Variants in DEF6 observed in about 807,000 individuals in gnomAD.
The protein encoded by DEF6 is differentially expressed in FDCP 6 homolog.
DEF6 carries 32 observed loss-of-function variants against 80.5 expected under a neutral mutation model. The ratio of observed to expected loss-of-function variants is 0.40; its 90% CI spans 0.30 to 0.53. The LOEUF is 0.53. DEF6 is among the 20% of genes least tolerant of loss of function. DEF6 has a pLI of 0.57. For synonymous variants in DEF6, 300 were observed against 337.9 expected (o/e 0.89, Z 1.23); for missense variants, 575 against 818.7 (o/e 0.70, Z 3.63).
At chr6:35,303,525 C>T (rs1028107766) in intron 1 of DEF6, among the ~76,000 whole-genome samples, 4 of 152,110 alleles carry the variant, frequency 2.6e-5, no homozygotes, top group Admixed American at 6.5e-5. Context: ...CGTGATACCA[C>T]AGTGAAAAAA....
Position 35,321,319 on chromosome 6 carries a change from A to G in DEF6, c.1805A>G (p.Glu602Gly). 6.2e-7 allele frequency: 1 copy of G among 1,614,094 alleles called. No homozygotes were observed. Among genetic ancestry groups the G allele is most frequent in the African/African-American group, 1.3e-5 (1 of 75,040 alleles). ...AGGACCCCCTCGCCCAACAGCAATG[A>G]GCAGCAGAAGTCCCTCAATGGTGGG... ...GNRTPSPNSN[E>G]QQKSLNGGDE... Residue 602 changes from glutamate to glycine, a missense_variant, in exon 11 of 11, where the codon GAG becomes GGG. Physicochemically the swap from Glu to Gly is moderately conservative, Grantham distance 98. Transcript: ENST00000316637.
At position 35,321,496 on chromosome 6, in the gene DEF6, G is replaced by T; in HGVS notation, c.*86G>T. On this transcript the variant is annotated 3_prime_UTR_variant, in exon 11 of 11. Transcript: ENST00000316637. Reference sequence around the variant, plus strand: ...CTGTGGGTGATCCCAGCTCTTACTAGGAGAGGGAGCTGAGGTCCTGGTGCC... The same window carrying T: ...CTGTGGGTGATCCCAGCTCTTACTATGAGAGGGAGCTGAGGTCCTGGTGCC... 7.6e-7 allele frequency: 1 copy of T among 1,316,718 alleles called. No individual in the cohort carries two copies. The highest frequency in any genetic ancestry group is 1.4e-5 in the South Asian group (1 of 73,254). The allele number at this position is 1,316,718 out of a possible 1,614,324, so 81.6% of individuals were successfully genotyped here.
At chr6:35,302,797 A>G (rs769233659) in intron 1 of DEF6, among the ~76,000 whole-genome samples, 12 of 152,184 alleles carry the variant, frequency 7.9e-5, no homozygotes, top group Non-Finnish European at 1.6e-4. Flanking sequence ...CAGTTTCACC[A>G]GTTCTCTGGG....
At chr6:35,302,738 C>G (rs1791331602) in intron 1 of DEF6, among the ~76,000 whole-genome samples, 1 of 152,174 alleles carries the variant, frequency 6.6e-6, no homozygotes, top group Non-Finnish European at 1.5e-5. Context: ...ACCTGGACCC[C>G]ACCCCTGGAA....
At chr6:35,321,142 C>T (rs1478120424) in intron 10 of DEF6, 45 bp from the exon 11 acceptor site, 1 of 1,601,122 alleles carries the variant, frequency 6.2e-7, no homozygotes, top group Non-Finnish European at 8.5e-7. Context: ...TCGCCTCTCA[C>T]CTTTGCATGC....
chr6:35,298,050 ACC>A, intron 1 of DEF6, 98 bp downstream of exon 1: 3 of 1,096,928 alleles, frequency 2.7e-6, no homozygotes, highest in Non-Finnish European at 4.0e-6. Flanking sequence ...CTCCAGGGGC[ACC>A]CAGCCATCCA....
rs1190995118 is a variant in DEF6, at chr6:35,310,548, G to C, written c.327G>C (p.Gly109=). The C allele has an allele frequency of 4.3e-6, 7 of 1,614,172 alleles. No individual in the cohort carries two copies. Among genetic ancestry groups the C allele is most frequent in the Non-Finnish European group, 5.9e-6 (7 of 1,180,036 alleles). Residue 109 remains glycine, a synonymous_variant, in exon 3 of 11, where the codon GGG becomes GGC. Coordinates refer to ENST00000316637, the MANE Select transcript of DEF6 (RefSeq NM_022047.4). ...AGAACTATCGGGCAGATAGCAACGG[G>C]AACAGTATGCTCTCCAATCAGGATG... ...AKKNYRADSN[G]NSMLSNQDAF...
In DEF6 at chr6:35,308,707, TAAAATAAAATA is replaced by T. The variant is rs1791423818; in HGVS notation, c.97-959_97-949del. On this transcript the variant is annotated intron_variant, in intron 1 of 10. Coordinates refer to ENST00000316637, the MANE Select transcript of DEF6 (RefSeq NM_022047.4). ...TAAAATAAAATAAAATAAAATAAAA[TAAAATAAAATA>T]AAATAAAATAAATAAAATAATAAAA... Among the ~76,000 whole-genome samples the T allele has an allele frequency of 3.5e-5, 5 of 141,500 alleles. No homozygotes were observed. The South Asian group carries it at 1.1e-3, about 32-fold the overall frequency. 92.8% of individuals were successfully genotyped at this position (141,500 alleles called of 152,430 possible).
chr6:35,298,347 A>G (rs1791268504), intron 1 of DEF6, among the ~76,000 whole-genome samples: 1 of 151,972 alleles, frequency 6.6e-6, no homozygotes, highest in Non-Finnish European at 1.5e-5. Context: ...CCTGACTTTC[A>G]AGAGAAACAG....
intron 1 of DEF6, among the ~76,000 whole-genome samples, chr6:35,307,682 A>G (rs1191575759): frequency 1.3e-5 from 2 of 152,222 alleles, no homozygotes; most frequent in Non-Finnish European, 2.9e-5. Context: ...ATTGGCTCAC[A>G]TAACCAAAAA....
Position 35,319,507 on chromosome 6 carries a change from A to T in DEF6, c.1216-17A>T, listed in dbSNP as rs371600214. On this transcript the variant is annotated splice_polypyrimidine_tract_variant and intron_variant, in intron 7 of 10. Coordinates refer to ENST00000316637, the MANE Select transcript of DEF6 (RefSeq NM_022047.4). The surrounding 1 kb of genome is among the most constrained non-coding windows in gnomAD (Gnocchi z 4.5). ...CTTTTGACCTGGCTCTTGGTCCACC[A>T]CCTCCCCCCTCCACAGGCCCGGGCC... 1 of 1,384,322 alleles carries T rather than the reference A, an allele frequency of 7.2e-7. No individual in the cohort carries two copies. Among genetic ancestry groups the T allele is most frequent in the Admixed American group, 2.2e-5 (1 of 45,426 alleles). The allele number at this position is 1,384,322 out of a possible 1,614,324, so 85.8% of individuals were successfully genotyped here.
intron 5 of DEF6, among the ~76,000 whole-genome samples, chr6:35,313,015 C>G (rs1272377198): frequency 6.6e-6 from 1 of 152,162 alleles, no homozygotes; most frequent in Non-Finnish European, 1.5e-5. Context: ...GGAATTTGCT[C>G]AAGATTTCAG....
intron 5 of DEF6, 60 bp from the exon 6 acceptor site, chr6:35,317,831 G>C (rs1791539630): frequency 6.7e-7 from 1 of 1,487,782 alleles, no homozygotes. Flanking sequence ...GCACCCTTGG[G>C]GCAGGTGGGG....
rs2395617 is a variant in DEF6, at chr6:35,317,943, A to G, written c.860A>G (p.Asn287Ser). Residue 287 changes from asparagine (N) to serine (S), a missense_variant, in exon 6 of 11, where the codon AAC (asparagine) becomes AGC (serine). By Grantham distance (46) the Asn-to-Ser change is conservative. Transcript: ENST00000316637. Reference protein sequence around the residue: ...KRCMFCVKTANRTYEMSASDT... With the variant: ...KRCMFCVKTASRTYEMSASDT... Reference sequence around the variant, plus strand: ...TGCATGTTCTGTGTGAAGACAGCCAACCGCACGTATGAGATGAGCGCCTCA... The same window carrying G: ...TGCATGTTCTGTGTGAAGACAGCCAGCCGCACGTATGAGATGAGCGCCTCA... The G allele has an allele frequency of 8.5e-5, 137 of 1,613,768 alleles. No individual in the cohort carries two copies. The highest frequency in any genetic ancestry group is 1.1e-4 in the Non-Finnish European group (135 of 1,179,974).
chr6:35,303,240 G>A (rs1234137186), intron 1 of DEF6, among the ~76,000 whole-genome samples: 1 of 152,182 alleles, frequency 6.6e-6, no homozygotes, highest in African/African-American at 2.4e-5. Context: ...TGCAGGTGAG[G>A]TGCAGGTCTT....
In DEF6 at chr6:35,320,883, G is replaced by A. The variant is rs1791582349; in HGVS notation, c.1582-1G>A. The A allele has an allele frequency of 6.2e-7, 1 of 1,606,024 alleles. No individual in the cohort carries two copies. ...ACTCCCCACTGGCCCTGTCCCCACA[G>A]GCTGCCCAGAGAAAACTGCGCCAGG... On this transcript the variant is annotated splice_acceptor_variant, in intron 9 of 10. Transcript: ENST00000316637. LOFTEE classifies it high-confidence loss of function.
intron 1 of DEF6, among the ~76,000 whole-genome samples, chr6:35,298,933 C>T (rs896748235): frequency 2.0e-5 from 3 of 152,116 alleles, no homozygotes; most frequent in African/African-American, 7.2e-5. Context: ...CCAAAGGAGA[C>T]GTGTGGTCTC....
At chr6:35,311,531 C>T (rs1791466917) in intron 3 of DEF6, among the ~76,000 whole-genome samples, 1 of 152,216 alleles carries the variant, frequency 6.6e-6, no homozygotes, top group African/African-American at 2.4e-5. Flanking sequence ...TCCCAAAAAG[C>T]TGCTGGGGCA....
intron 10 of DEF6, 22 bp from the exon 11 acceptor site, chr6:35,321,165 T>C (rs200326163): frequency 3.0e-5 from 48 of 1,610,120 alleles, no homozygotes; most frequent in Non-Finnish European, 4.1e-5. Flanking sequence ...TTCTCCTTAC[T>C]TGCCTGCCTT....
Sources: gnomAD v4.1 joint callset for allele counts (sites outside exome capture counted in the v4.1 genomes callset) on GRCh38, gnomAD v4.1.1 for gene constraint, Gnocchi (gnomAD v3.1) non-coding constraint, MANE v1.5 for transcripts, NCBI Gene and HGNC (gene_info 2026-07-23, HGNC 2026-07-21) for gene names.